PLCE1: variants seen among roughly 807,000 people sequenced by gnomAD.
The protein encoded by PLCE1 is phospholipase C epsilon 1.
PLCE1 carries 119 observed loss-of-function variants against 242.8 expected under a neutral mutation model. The ratio of observed to expected loss-of-function variants is 0.49; its 90% CI spans 0.42 to 0.57. The LOEUF (loss-of-function observed/expected upper bound fraction) is 0.57, where lower values mean the gene tolerates loss of function less well. Among genes scored for constraint, PLCE1 ranks in the 20% least tolerant of loss-of-function variants. The probability of loss-of-function intolerance (pLI) is 0.00; values close to 1 mark genes in which losing one functional copy is unlikely to be tolerated. For missense variants in PLCE1, 2,441 were observed against 2,788.8 expected, an observed-to-expected ratio of 0.88 and a Z score of 2.81; for synonymous variants, 945 against 1,017.4, an observed-to-expected ratio of 0.93 and a Z score of 1.35.
chr10:94,016,630 T>A (rs916126812), intron 1 of PLCE1, among the ~76,000 whole-genome samples: 2 of 152,122 alleles, frequency 1.3e-5, no homozygotes, highest in Non-Finnish European at 2.9e-5. Flanking sequence ...AAAAACAATA[T>A]ATAGTATAAT....
chr10:94,256,031 A>T lies in PLCE1; in HGVS notation c.3554+982A>T, dbSNP rs1363713431. On this transcript the variant is annotated intron_variant, in intron 11 of 32. Transcript: ENST00000371380. ...TCTCTCTTTCTCTTGGAAGCTTCTT[A>T]TTAACAATCCTGGCTGGGCACGGTG... 2.8e-5 allele frequency among the ~76,000 whole-genome samples: 4 copies of T among 141,008 alleles called. No individual in the cohort carries two copies. The East Asian group carries it at 8.3e-4, about 29-fold the overall frequency. The allele number at this position is 141,008 out of a possible 152,430, so 92.5% of individuals were successfully genotyped here.
chr10:94,238,003 T>C (rs976509204), intron 7 of PLCE1, among the ~76,000 whole-genome samples: 1 of 152,204 alleles, frequency 6.6e-6, no homozygotes, highest in African/African-American at 2.4e-5. Flanking sequence ...GACAATCTCA[T>C]GGTCCTTTGG....
chr10:94,259,664 A>C (rs2051226779), intron 13 of PLCE1, among the ~76,000 whole-genome samples: 6 of 152,136 alleles, frequency 3.9e-5, no homozygotes, highest in Admixed American at 3.9e-4. Flanking sequence ...GAAATTCATC[A>C]TTGTGTGGTT....
intron 1 of PLCE1, among the ~76,000 whole-genome samples, chr10:93,995,337 T>A (rs1489321503): frequency 6.6e-6 from 1 of 152,236 alleles, no homozygotes; most frequent in Non-Finnish European, 1.5e-5. Flanking sequence ...TCCACCACTC[T>A]AAAGTCTAAC....
intron 2 of PLCE1, among the ~76,000 whole-genome samples, chr10:94,086,774 A>G (rs2044841017): frequency 6.6e-6 from 1 of 152,226 alleles, no homozygotes; most frequent in Non-Finnish European, 1.5e-5. Context: ...GGAATCTCAC[A>G]GGTCTGCCTC....
chr10:94,134,003 C>T (rs113071682), intron 3 of PLCE1, among the ~76,000 whole-genome samples: 2 of 152,180 alleles, frequency 1.3e-5, no homozygotes, highest in African/African-American at 4.8e-5. Flanking sequence ...GTGGAATTGG[C>T]ATTGTTTTAA....
chr10:94,133,731 G>A (rs1042429561), intron 3 of PLCE1, among the ~76,000 whole-genome samples: 2 of 152,224 alleles, frequency 1.3e-5, no homozygotes, highest in Non-Finnish European at 2.9e-5. Flanking sequence ...AATGAATGAA[G>A]AATAACAGAA....
intron 2 of PLCE1, among the ~76,000 whole-genome samples, chr10:94,042,373 C>T (rs888400912): frequency 3.3e-5 from 5 of 152,112 alleles, no homozygotes; most frequent in African/African-American, 4.8e-5. Context: ...ATTCTCATGG[C>T]GACTGTCTAT....
At chr10:94,070,634 G>C (rs988620898) in intron 2 of PLCE1, among the ~76,000 whole-genome samples, 1 of 152,150 alleles carries the variant, frequency 6.6e-6, no homozygotes, top group African/African-American at 2.4e-5. Flanking sequence ...ATGGAGATAC[G>C]CTTTTTGAGC....
intron 3 of PLCE1, among the ~76,000 whole-genome samples, chr10:94,148,821 A>G (rs2047192299): frequency 6.6e-6 from 1 of 152,222 alleles, no homozygotes. Flanking sequence ...AAAGTGGGTC[A>G]CAGATCAGCC....
In PLCE1 at chr10:94,156,992, C is replaced by G. The variant is rs183262994; in HGVS notation, c.1493-14188C>G. Among the ~76,000 whole-genome samples, 93 of 151,930 alleles carry G rather than the reference C, an allele frequency of 6.1e-4. No homozygotes were observed. In the East Asian group the frequency reaches 9.3e-3, roughly 15 times the overall value. On this transcript the variant is annotated intron_variant, in intron 3 of 32. Transcript: ENST00000371380. ...AGAAGAGCTGACGAGTTAAGAACAG[C>G]CTTTTTTTGGTGTTTTTTGGGGGGC...
intron 2 of PLCE1, among the ~76,000 whole-genome samples, chr10:94,087,678 A>G (rs1159083872): frequency 1.3e-5 from 2 of 152,092 alleles, no homozygotes; most frequent in African/African-American, 4.8e-5. Flanking sequence ...CCTGACCTCA[A>G]GCCATCCTCC....
chr10:94,035,898 T>G (rs974221311), intron 2 of PLCE1, among the ~76,000 whole-genome samples: 3 of 152,172 alleles, frequency 2.0e-5, no homozygotes, highest in South Asian at 4.1e-4. Flanking sequence ...TACATATGTG[T>G]CCGTTCTGGT....
intron 11 of PLCE1, among the ~76,000 whole-genome samples, chr10:94,257,085 A>G (rs961155435): frequency 3.9e-5 from 6 of 152,088 alleles, no homozygotes; most frequent in African/African-American, 7.2e-5. Flanking sequence ...ACAACCTACA[A>G]CCTATGACTA....
intron 4 of PLCE1, among the ~76,000 whole-genome samples, chr10:94,204,440 G>A (rs1382032077): frequency 3.3e-5 from 5 of 151,830 alleles, no homozygotes; most frequent in African/African-American, 4.8e-5. Flanking sequence ...AGGCTGAGGC[G>A]GGTGAATCAC....
intron 1 of PLCE1, among the ~76,000 whole-genome samples, chr10:94,019,500 C>G (rs1442503137): frequency 6.6e-6 from 1 of 152,168 alleles, no homozygotes; most frequent in Non-Finnish European, 1.5e-5. Flanking sequence ...GCAACTGATC[C>G]AATTCTATCT....
chr10:94,134,815 A>G lies in PLCE1; in HGVS notation c.1492+2356A>G, dbSNP rs140606573. On this transcript the variant is annotated intron_variant, in intron 3 of 32. Coordinates refer to ENST00000371380, the MANE Select transcript of PLCE1 (RefSeq NM_016341.4). ...ATAGATCAATATTTCTAGCTCTGAC[A>G]CTCACCAGACTGTCAGCTAATGTGT... 5.4e-3 allele frequency among the ~76,000 whole-genome samples: 822 copies of G among 152,266 alleles called. 7 individuals carry two copies. Among genetic ancestry groups the G allele is most frequent in the African/African-American group, 0.018 (732 of 41,536 alleles).
At chr10:94,000,996 G>T (rs1413452910) in intron 1 of PLCE1, among the ~76,000 whole-genome samples, 1 of 152,198 alleles carries the variant, frequency 6.6e-6, no homozygotes, top group African/African-American at 2.4e-5. Context: ...CTATGATACA[G>T]ACTTAATGCC....
chr10:94,146,171 G>A (rs1474043579), intron 3 of PLCE1, among the ~76,000 whole-genome samples: 1 of 152,152 alleles, frequency 6.6e-6, no homozygotes, highest in African/African-American at 2.4e-5. Context: ...ATAGGAAGGA[G>A]AGTGGCACTT....
Sources: allele counts gnomAD v4.1 joint callset (sites outside exome capture counted in the v4.1 genomes callset), GRCh38; gene constraint gnomAD v4.1.1; transcripts MANE v1.5; gene names NCBI Gene and HGNC (gene_info 2026-07-23, HGNC 2026-07-21).